The following EPB41L4A variants were observed in gnomAD, a reference collection of about 807,000 sequenced individuals.
EPB41L4A encodes the protein erythrocyte membrane protein band 4.1 like 4A, also known as band 4.1-like protein 4A.
Under a neutral mutation model 108.6 loss-of-function variants are expected in EPB41L4A, and 100 were observed. The observed-to-expected ratio is 0.92, with a 90% CI of 0.78 to 1.09. The LOEUF (loss-of-function observed/expected upper bound fraction) is 1.09, where lower values mean the gene tolerates loss of function less well. Among genes scored for constraint, EPB41L4A ranks in the 50% least tolerant of loss-of-function variants. EPB41L4A has a pLI of 0.00. For missense variants in EPB41L4A, 1,030 were observed against 842.7 expected, an observed-to-expected ratio of 1.22 and a Z score of -2.75; for synonymous variants, 319 against 289.0, an observed-to-expected ratio of 1.10 and a Z score of -1.05.
intron 2 of EPB41L4A, among the ~76,000 whole-genome samples, chr5:112,297,727 T>G (rs1754090956): frequency 6.6e-6 from 1 of 152,144 alleles, no homozygotes; most frequent in South Asian, 2.1e-4. Flanking sequence ...TCTAGAAGGG[T>G]TTTTCCAATG....
At chr5:112,418,614 C>T (rs887732400) in intron 1 of EPB41L4A, among the ~76,000 whole-genome samples, 2 of 152,182 alleles carry the variant, frequency 1.3e-5, no homozygotes, top group African/African-American at 4.8e-5. Flanking sequence ...CTGGTATAAC[C>T]CATTCTGCCC....
chr5:112,267,264 T>C (rs115632065), intron 4 of EPB41L4A, among the ~76,000 whole-genome samples: 1 of 152,096 alleles, frequency 6.6e-6, no homozygotes, highest in Non-Finnish European at 1.5e-5. Flanking sequence ...GACTTCTGTT[T>C]TGTAAGGTGA....
chr5:112,216,250 TAC>T (rs1335910929), intron 12 of EPB41L4A, among the ~76,000 whole-genome samples: 1 of 152,226 alleles, frequency 6.6e-6, no homozygotes, highest in African/African-American at 2.4e-5. Flanking sequence ...GTGATGAATA[TAC>T]ACGTATTTTC....
chr5:112,391,782 T>C (rs867005467), intron 1 of EPB41L4A, among the ~76,000 whole-genome samples: 3 of 152,086 alleles, frequency 2.0e-5, no homozygotes, highest in South Asian at 2.1e-4. Context: ...AATTGTCAGA[T>C]TCACCAAGGT....
intron 14 of EPB41L4A, among the ~76,000 whole-genome samples, chr5:112,204,964 T>G (rs1052220192): frequency 6.6e-6 from 1 of 152,140 alleles, no homozygotes; most frequent in African/African-American, 2.4e-5. Flanking sequence ...GAATTTGAAC[T>G]ATAAGTTACA....
intron 1 of EPB41L4A, among the ~76,000 whole-genome samples, chr5:112,349,372 C>T (rs1445916477): frequency 6.6e-6 from 1 of 151,960 alleles, no homozygotes; most frequent in Non-Finnish European, 1.5e-5. Context: ...TGCACTGAGA[C>T]AAGGGCAAGA....
intron 18 of EPB41L4A, among the ~76,000 whole-genome samples, chr5:112,176,159 C>G (rs963965719): frequency 2.0e-5 from 3 of 152,148 alleles, no homozygotes; most frequent in African/African-American, 7.2e-5. Flanking sequence ...ACTTAATGCT[C>G]AGCAAAATCC....
chr5:112,145,990 C>A (rs1366979784), exon 13 of EPB41L4A: 1 of 456,150 alleles, frequency 2.2e-6, no homozygotes, highest in Non-Finnish European at 4.4e-6. Context: ...GTCTGGAGGT[C>A]TGGACACCCT....
intron 12 of EPB41L4A, among the ~76,000 whole-genome samples, chr5:112,218,680 C>T (rs995144871): frequency 2.0e-5 from 3 of 152,128 alleles, no homozygotes; most frequent in African/African-American, 2.4e-5. Context: ...CAAATATAAA[C>T]TAAGCATACC....
chr5:112,232,396 C>G (rs1303865971), intron 12 of EPB41L4A, among the ~76,000 whole-genome samples: 1 of 152,184 alleles, frequency 6.6e-6, no homozygotes, highest in African/African-American at 2.4e-5. Context: ...TCTTAGTTTC[C>G]TCATTACCTG....
chr5:112,396,672 C>T (rs1761375458), intron 1 of EPB41L4A, among the ~76,000 whole-genome samples: 1 of 152,128 alleles, frequency 6.6e-6, no homozygotes, highest in Non-Finnish European at 1.5e-5. Context: ...AGTTCCTCAC[C>T]ACACAGGCCT....
intron 1 of EPB41L4A, among the ~76,000 whole-genome samples, chr5:112,317,029 G>T (rs917042552): frequency 6.6e-6 from 1 of 152,152 alleles, no homozygotes; most frequent in African/African-American, 2.4e-5. Flanking sequence ...ACACTCTATT[G>T]ATCAAAGCAA....
intron 1 of EPB41L4A, among the ~76,000 whole-genome samples, chr5:112,315,707 C>T (rs1291498395): frequency 6.6e-6 from 1 of 151,824 alleles, no homozygotes; most frequent in African/African-American, 2.4e-5. Context: ...ACACCAAAAA[C>T]TGAGGAAGCC....
chr5:112,225,806 C>T (rs75603269), intron 12 of EPB41L4A, among the ~76,000 whole-genome samples: 4,441 of 152,308 alleles, frequency 0.029, 231 homozygotes, highest in African/African-American at 0.1. Context: ...ACAAATGTAA[C>T]ACATTCTTTC....
At chr5:112,259,862 T>C (rs1278364550) in intron 8 of EPB41L4A, 29 bp downstream of exon 8, 2 of 1,561,704 alleles carry the variant, frequency 1.3e-6, no homozygotes, top group Non-Finnish European at 1.8e-6. Context: ...AAACATAGAA[T>C]GCCAACTCTG....
chr5:112,273,236 G>A (rs1015898762), intron 4 of EPB41L4A, among the ~76,000 whole-genome samples: 12 of 152,140 alleles, frequency 7.9e-5, no homozygotes, highest in African/African-American at 2.9e-4. Flanking sequence ...AACAAATCAT[G>A]GACACTAATT....
chr5:112,291,358 C>A (rs1330951053), intron 2 of EPB41L4A, among the ~76,000 whole-genome samples: 3 of 152,196 alleles, frequency 2.0e-5, no homozygotes, highest in African/African-American at 7.2e-5. Context: ...CATGCTCCTC[C>A]CCTTATCACT....
intron 1 of EPB41L4A, among the ~76,000 whole-genome samples, chr5:112,403,973 A>C (rs926923478): frequency 6.6e-6 from 1 of 152,238 alleles, no homozygotes; most frequent in Non-Finnish European, 1.5e-5. Flanking sequence ...AAGAAGAAAA[A>C]AAGAGAGAAA....
In EPB41L4A at chr5:112,162,754, T is replaced by C. The variant is rs1759986573; in HGVS notation, c.*2236A>G. On this transcript the variant is annotated 3_prime_UTR_variant, in exon 23 of 23. Transcript: ENST00000261486. ...TCATCACAAATGTAAAACTTCACTA[T>C]GAGATGAGTTCCGTGATAGGATTTT... The C allele has an allele frequency of 6.6e-6, 1 of 152,062 alleles. No individual in the cohort carries two copies. The highest frequency in any genetic ancestry group is 2.4e-5 in the African/African-American group (1 of 41,386). The allele number at this position is 152,062 out of a possible 1,614,324, so 9.4% of individuals were successfully genotyped here.
Sources: gnomAD v4.1 joint callset for allele counts (sites outside exome capture counted in the v4.1 genomes callset) on GRCh38, gnomAD v4.1.1 for gene constraint, MANE v1.5 for transcripts, NCBI Gene and HGNC (gene_info 2026-07-23, HGNC 2026-07-21) for gene names.